MTERF4: variants seen among roughly 807,000 people sequenced by gnomAD.
The protein encoded by MTERF4 is mitochondrial transcription termination factor 4, also known as transcription termination factor 4, mitochondrial.
MTERF4 carries 17 observed loss-of-function variants against 22.5 expected under a neutral mutation model. That is an observed-to-expected ratio of 0.75 (90% CI 0.52 to 1.13). The LOEUF (loss-of-function observed/expected upper bound fraction) is 1.13. Ranked by LOEUF, MTERF4 falls within the 50% of genes most tolerant of loss-of-function variation. The pLI, the probability that MTERF4 is intolerant of heterozygous loss-of-function variation, is 0.00. For missense variants in MTERF4, 420 were observed against 466.8 expected (o/e 0.90, Z 0.92); for synonymous variants, 165 against 175.3 (o/e 0.94, Z 0.47).
downstream of MTERF4, chr2:241,091,549 C>A (rs2125357495): frequency 7.2e-6 from 1 of 138,802 alleles, no homozygotes; most frequent in Non-Finnish European, 1.5e-5. This position sits in a 1 kb window ranked among gnomAD's most constrained non-coding sequence, Gnocchi z 4.1. Context: ...GCCCTGAGGG[C>A]CACTAAGAGA....
At chr2:241,064,021 C>T in the MTERF4 span, 1 of 1,553,986 alleles carries the variant, frequency 6.4e-7, no homozygotes, top group Non-Finnish European at 8.7e-7. The surrounding 1 kb of genome is among the most constrained non-coding windows in gnomAD (Gnocchi z 7.0). Context: ...GAGGTGGACG[C>T]CTGCGACTCC....
downstream of MTERF4, among the ~76,000 whole-genome samples, chr2:241,069,740 G>T (rs1036646796): frequency 6.6e-6 from 1 of 152,166 alleles, no homozygotes; most frequent in East Asian, 1.9e-4. The surrounding 1 kb of genome is among the most constrained non-coding windows in gnomAD (Gnocchi z 4.9). Flanking sequence ...AGGTCTCTCG[G>T]TTGGAAGATT....
chr2:241,075,389 C>T lies in MTERF4; in HGVS notation n.773G>A, dbSNP rs924828655. On this transcript the variant is annotated non_coding_transcript_exon_variant, in exon 5 of 5. Transcript: ENST00000464344. The surrounding 1 kb of genome is among the most constrained non-coding windows in gnomAD (Gnocchi z 4.8). Reference sequence around the variant, plus strand: ...CAGTCTCTCTAGAACTAGGTTTTGCCGGGTTTGCAGATCCTACAGGCAGAA... The same window carrying T: ...CAGTCTCTCTAGAACTAGGTTTTGCTGGGTTTGCAGATCCTACAGGCAGAA... The T allele has an allele frequency of 6.6e-6, 1 of 152,130 alleles. No homozygotes were observed. The highest frequency in any genetic ancestry group is 1.5e-5 in the Non-Finnish European group (1 of 68,042). The allele number at this position is 152,130 out of a possible 1,614,324, so 9.4% of individuals were successfully genotyped here.
At chr2:241,072,379 C>T (rs1358622530) in exon 5 of MTERF4, 2 of 367,022 alleles carry the variant, frequency 5.4e-6, no homozygotes, top group African/African-American at 2.1e-5. Context: ...GGGTGAGTGC[C>T]GCTCTGGGAA....
At chr2:241,049,006 C>G in the MTERF4 span, 1 of 1,596,048 alleles carries the variant, frequency 6.3e-7, no homozygotes, top group East Asian at 2.3e-5. Context: ...GATGGGGCTT[C>G]CTCCTTTCTC....
At chr2:241,049,366 A>G in the MTERF4 span, among the ~76,000 whole-genome samples, 2 of 152,204 alleles carry the variant, frequency 1.3e-5, no homozygotes, top group Non-Finnish European at 2.9e-5. Flanking sequence ...CAAGTATACA[A>G]ACACCATGTG....
downstream of MTERF4, chr2:241,087,730 A>G: frequency 7.5e-7 from 1 of 1,331,846 alleles, no homozygotes; most frequent in Non-Finnish European, 9.6e-7. Context: ...GCATATTCAC[A>G]CAGAACATGG....
chr2:241,060,877 C>A, the MTERF4 span, among the ~76,000 whole-genome samples: 6 of 152,082 alleles, frequency 3.9e-5, no homozygotes, highest in South Asian at 6.2e-4. Context: ...CTGCAGTGAA[C>A]TGTGATTGCA....
At chr2:241,080,847 G>A (rs147711992) in intron 4 of MTERF4, among the ~76,000 whole-genome samples, 184 of 152,376 alleles carry the variant, frequency 1.2e-3, no homozygotes, top group African/African-American at 4.1e-3. Context: ...CCGTGCCTGT[G>A]TGGACCAGTC....
chr2:241,049,083 G>A, the MTERF4 span: 1 of 1,613,408 alleles, frequency 6.2e-7, no homozygotes. Flanking sequence ...ACTGCATGGA[G>A]CACGGCGGGA....
chr2:241,064,086 G>A, the MTERF4 span: 16 of 1,569,388 alleles, frequency 1.0e-5, no homozygotes, highest in Admixed American at 1.9e-5. This position sits in a 1 kb window ranked among gnomAD's most constrained non-coding sequence, Gnocchi z 7.0. Flanking sequence ...CTACCTGTGC[G>A]TCTGCCCAGA....
downstream of MTERF4, among the ~76,000 whole-genome samples, chr2:241,086,022 C>T (rs2063558026): frequency 6.6e-6 from 1 of 152,112 alleles, no homozygotes; most frequent in Admixed American, 6.5e-5. Context: ...CACTCACCAC[C>T]ATGCCCAGCT....
exon 5 of MTERF4, chr2:241,072,534 C>T: frequency 3.1e-6 from 1 of 322,804 alleles, no homozygotes; most frequent in Non-Finnish European, 6.0e-6. Flanking sequence ...CCCAACAGAG[C>T]CTAGTCACCA....
chr2:241,071,869 G>A (rs775546808), downstream of MTERF4: 25 of 1,600,566 alleles, frequency 1.6e-5, no homozygotes, highest in African/African-American at 4.0e-5. Flanking sequence ...AGCAGCCACC[G>A]TGAGATCACG....
At chr2:241,091,408 C>T (rs769695058), downstream of MTERF4, among the ~76,000 whole-genome samples, 1 of 104,862 alleles carries the variant, frequency 9.5e-6, no homozygotes, top group East Asian at 4.0e-4. The surrounding 1 kb of genome is among the most constrained non-coding windows in gnomAD (Gnocchi z 4.1). Flanking sequence ...TCGGTGGAGG[C>T]TGCCCCTCCC....
At chr2:241,077,278 T>G (rs574854594) in intron 4 of MTERF4, among the ~76,000 whole-genome samples, 3 of 152,228 alleles carry the variant, frequency 2.0e-5, no homozygotes, top group Non-Finnish European at 4.4e-5. Flanking sequence ...TTACCACAAA[T>G]TGACCAACAA....
At chr2:241,090,038 A>G, downstream of MTERF4, 1 of 1,545,364 alleles carries the variant, frequency 6.5e-7, no homozygotes, top group Non-Finnish European at 8.7e-7. Flanking sequence ...ACAATAATAA[A>G]TTAGTCCTGC....
chr2:241,081,527 C>A, intron 4 of MTERF4: 1 of 641,600 alleles, frequency 1.6e-6, no homozygotes, highest in Non-Finnish European at 2.9e-6. Context: ...GCTCTAGGGC[C>A]CAGAGGCGTT....
At chr2:241,046,307 T>G in the MTERF4 span, among the ~76,000 whole-genome samples, 2 of 152,240 alleles carry the variant, frequency 1.3e-5, no homozygotes, top group Non-Finnish European at 2.9e-5. Flanking sequence ...CTCCTTGTAT[T>G]AACTCTAAAG....
Sources: gnomAD v4.1 joint callset for allele counts (sites outside exome capture counted in the v4.1 genomes callset) on GRCh38, gnomAD v4.1.1 for gene constraint, Gnocchi (gnomAD v3.1) non-coding constraint, MANE v1.5 for transcripts, NCBI Gene and HGNC (gene_info 2026-07-23, HGNC 2026-07-21) for gene names.